ELOVL2: variants seen among roughly 807,000 people sequenced by gnomAD.
The protein encoded by ELOVL2 is very long chain fatty acid elongase 2.
In ELOVL2, 38 loss-of-function variants were observed where a neutral mutation model predicts 37.7. The ratio of observed to expected loss-of-function variants is 1.01; its 90% CI spans 0.78 to 1.32. The LOEUF (loss-of-function observed/expected upper bound fraction) is 1.32. Among genes scored for constraint, ELOVL2 ranks in the 40% most tolerant of loss-of-function variants. The pLI is 0.00. For synonymous variants in ELOVL2, 115 were observed against 122.3 expected (o/e 0.94, Z 0.40); for missense variants, 352 against 363.6 (o/e 0.97, Z 0.26).
intron 3 of ELOVL2, among the ~76,000 whole-genome samples, chr6:11,005,016 G>A (rs545424204): frequency 3.4e-4 from 52 of 152,158 alleles, no homozygotes; most frequent in African/African-American, 1.1e-3. Context: ...AAAAGTAGCC[G>A]GGCATGGTGG....
rs146515400 is a variant in ELOVL2 at position 11,035,296 on chromosome 6, C to T, written c.3+8932G>A. ...TTCCCATTCATTTGGACCCCTAGAG[C>T]GTAAGATTTCAAATTTGTGTGCACT... On this transcript the variant is annotated intron_variant, in intron 1 of 7. Transcript: ENST00000354666. 3.6e-4 allele frequency among the ~76,000 whole-genome samples: 55 copies of T among 152,238 alleles called. 1 individual carries two copies. The highest frequency in any genetic ancestry group is 2.3e-3 in the East Asian group (12 of 5,176).
intron 4 of ELOVL2, among the ~76,000 whole-genome samples, chr6:10,995,405 G>A (rs910040585): frequency 2.6e-5 from 3 of 114,544 alleles, no homozygotes; most frequent in South Asian, 3.4e-4. Flanking sequence ...GTGTGATCAC[G>A]TTCCTCCTCT....
chr6:10,987,336 G>C (rs1171557758), intron 7 of ELOVL2, among the ~76,000 whole-genome samples: 5 of 151,910 alleles, frequency 3.3e-5, no homozygotes, highest in Non-Finnish European at 5.9e-5. Context: ...GGTTTTTTGT[G>C]TCTCTATTTC....
chr6:11,027,413 G>A (rs184072908), intron 1 of ELOVL2, among the ~76,000 whole-genome samples: 283 of 152,130 alleles, frequency 1.9e-3, no homozygotes, highest in Non-Finnish European at 3.5e-3. Context: ...ACCCAAAGCC[G>A]GAAATAATTG....
intron 4 of ELOVL2, among the ~76,000 whole-genome samples, chr6:10,998,042 A>C (rs1412845502): frequency 6.6e-6 from 1 of 151,872 alleles, no homozygotes; most frequent in Non-Finnish European, 1.5e-5. Context: ...TCCTGTGGTG[A>C]GTTACTGTAA....
chr6:11,044,195 G>A lies in ELOVL2; in HGVS notation c.3+33C>T. 1 of 1,455,178 alleles carries A rather than the reference G, an allele frequency of 6.9e-7. No individual in the cohort carries two copies. The highest frequency in any genetic ancestry group is 9.1e-7 in the Non-Finnish European group (1 of 1,102,350). 90.1% of individuals were successfully genotyped at this position (1,455,178 alleles called of 1,614,324 possible). A position where few individuals can be genotyped will look rare whatever the true frequency, so the allele number is the denominator to read the frequency against. On this transcript the variant is annotated intron_variant, in intron 1 of 7. Transcript: ENST00000354666. This position sits in a 1 kb window ranked among gnomAD's most constrained non-coding sequence, Gnocchi z 5.6. ...GGGTCCAGGAGAGAAAGAAAGCGCG[G>A]CGGTGTCGGTGGCGGCGCGCGGCCC... is the stretch of plus-strand genomic sequence containing the variant.
intron 1 of ELOVL2, among the ~76,000 whole-genome samples, chr6:11,011,963 A>G (rs552550895): frequency 2.2e-4 from 34 of 152,288 alleles, no homozygotes; most frequent in Non-Finnish European, 4.1e-4. Context: ...CGGGAAGTTG[A>G]TATGGAGCAT....
chr6:10,990,477 C>T (rs1219839445), intron 5 of ELOVL2, 35 bp from the exon 6 acceptor site: 1 of 1,538,920 alleles, frequency 6.5e-7, no homozygotes, highest in Non-Finnish European at 8.7e-7. Context: ...ACTATTCTTC[C>T]AGGAAGGACT....
At chr6:10,990,136 A>G (rs1288278765) in intron 6 of ELOVL2, among the ~76,000 whole-genome samples, 182 bp downstream of exon 6, 1 of 152,166 alleles carries the variant, frequency 6.6e-6, no homozygotes, top group Non-Finnish European at 1.5e-5. Flanking sequence ...ACTTTCCATT[A>G]TAAGCTAATA....
chr6:11,029,655 T>C (rs190328214), intron 1 of ELOVL2, among the ~76,000 whole-genome samples: 1 of 152,272 alleles, frequency 6.6e-6, no homozygotes, highest in East Asian at 1.9e-4. Context: ...GTGATGTCTT[T>C]TTAAAGAAAA....
At chr6:10,988,369 A>G (rs2113468423) in intron 7 of ELOVL2, among the ~76,000 whole-genome samples, 1 of 152,364 alleles carries the variant, frequency 6.6e-6, no homozygotes, top group East Asian at 1.9e-4. Flanking sequence ...GTTCAAGACC[A>G]GCCTGAACAA....
chr6:11,009,142 T>A (rs556197604), intron 2 of ELOVL2, among the ~76,000 whole-genome samples: 40 of 152,322 alleles, frequency 2.6e-4, no homozygotes, highest in Admixed American at 3.9e-4. Flanking sequence ...CAGCCAGGGT[T>A]CCTGCCCTTC....
chr6:11,042,767 T>C (rs943043527), intron 1 of ELOVL2, among the ~76,000 whole-genome samples: 1 of 152,036 alleles, frequency 6.6e-6, no homozygotes, highest in Admixed American at 6.6e-5. Flanking sequence ...CTCTCATCAT[T>C]ACAAATGTCA....
At position 11,044,197 on chromosome 6, in the gene ELOVL2, G is replaced by C; in HGVS notation, c.3+31C>G. On this transcript the variant is annotated intron_variant, in intron 1 of 7. Transcript: ENST00000354666. This position sits in a 1 kb window ranked among gnomAD's most constrained non-coding sequence, Gnocchi z 5.6. ...GTCCAGGAGAGAAAGAAAGCGCGGC[G>C]GTGTCGGTGGCGGCGCGCGGCCCCA... is the stretch of plus-strand genomic sequence containing the variant. The C allele has an allele frequency of 6.9e-7, 1 of 1,453,990 alleles. No individual in the cohort carries two copies. Among genetic ancestry groups the C allele is most frequent in the Non-Finnish European group, 9.1e-7 (1 of 1,101,830 alleles). The allele number at this position is 1,453,990 out of a possible 1,614,324, so 90.1% of individuals were successfully genotyped here.
intron 7 of ELOVL2, among the ~76,000 whole-genome samples, 198 bp from the exon 8 acceptor site, chr6:10,984,104 G>A (rs553467998): frequency 2.0e-5 from 3 of 152,188 alleles, no homozygotes; most frequent in South Asian, 2.1e-4. Context: ...TGCGACCTCC[G>A]CCTCCCGGGT....
At chr6:11,025,357 G>C (rs1256790889) in intron 1 of ELOVL2, among the ~76,000 whole-genome samples, 1 of 152,246 alleles carries the variant, frequency 6.6e-6, no homozygotes, top group East Asian at 1.9e-4. Flanking sequence ...TGGCGCCAAT[G>C]TCTAAAGTAT....
In ELOVL2 at chr6:11,044,215, C is replaced by A; in HGVS notation, c.3+13G>T. The A allele has an allele frequency of 1.4e-6, 2 of 1,433,740 alleles. No homozygotes were observed. The highest frequency in any genetic ancestry group is 2.7e-5 in the Admixed American group (1 of 37,334). The allele number at this position is 1,433,740 out of a possible 1,614,324, so 88.8% of individuals were successfully genotyped here. A position where few individuals can be genotyped will look rare whatever the true frequency, so the allele number is the denominator to read the frequency against. On this transcript the variant is annotated intron_variant, in intron 1 of 7. Coordinates refer to ENST00000354666, the MANE Select transcript of ELOVL2 (RefSeq NM_017770.4). This position sits in a 1 kb window ranked among gnomAD's most constrained non-coding sequence, Gnocchi z 5.6. ...GCGCGGCGGTGTCGGTGGCGGCGCG[C>A]GGCCCCACTCACCATGATCCGCAGC...
At chr6:10,989,035 C>G (rs1477099833) in intron 7 of ELOVL2, among the ~76,000 whole-genome samples, 1 of 152,212 alleles carries the variant, frequency 6.6e-6, no homozygotes, top group Non-Finnish European at 1.5e-5. Context: ...GCTCCATTCA[C>G]ATTTCCTGGA....
intron 2 of ELOVL2, among the ~76,000 whole-genome samples, chr6:11,009,805 T>C (rs1405673234): frequency 6.6e-6 from 1 of 152,098 alleles, no homozygotes; most frequent in East Asian, 1.9e-4. Context: ...GGGATGACAC[T>C]GATGAGTTTT....
Sources: gnomAD v4.1 joint callset for allele counts (sites outside exome capture counted in the v4.1 genomes callset) on GRCh38, gnomAD v4.1.1 for gene constraint, Gnocchi (gnomAD v3.1) non-coding constraint, MANE v1.5 for transcripts, NCBI Gene and HGNC (gene_info 2026-07-23, HGNC 2026-07-21) for gene names.